The following AMOTL1 variants were observed in gnomAD, a reference collection of about 807,000 sequenced individuals.
AMOTL1 encodes angiomotin like 1, also known as angiomotin-like protein 1.
A neutral mutation model predicts 102.9 loss-of-function variants in AMOTL1; 45 were observed. The ratio of observed to expected loss-of-function variants is 0.44; its 90% CI spans 0.34 to 0.56. AMOTL1 has a LOEUF of 0.56. AMOTL1 is among the 20% of genes least tolerant of loss of function. The pLI is 0.01. For missense variants in AMOTL1, 1,114 were observed against 1,225.6 expected (o/e 0.91, Z 1.36); for synonymous variants, 481 against 484.7 (o/e 0.99, Z 0.10).
chr11:94,777,096 A>G (rs1951036196), intron 1 of AMOTL1, among the ~76,000 whole-genome samples: 1 of 152,248 alleles, frequency 6.6e-6, no homozygotes, highest in Non-Finnish European at 1.5e-5. Context: ...TTTTTATCTA[A>G]AAGAGCAAAG....
At chr11:94,852,111 ACACAAAATATTTTGT>A (rs1301874840) in intron 7 of AMOTL1, among the ~76,000 whole-genome samples, 1 of 152,232 alleles carries the variant, frequency 6.6e-6, no homozygotes, top group Admixed American at 6.5e-5. Flanking sequence ...TGAATCACAC[ACACAAAATATTTTGT>A]CAGATGAGGC....
rs1486932137 is a variant in AMOTL1 at position 94,865,952 on chromosome 11, C to A, written c.2272C>A (p.Leu758Ile). Residue 758 changes from leucine to isoleucine, a missense_variant, in exon 11 of 13, where the codon CTC becomes ATC. By Grantham distance (5) the Leu-to-Ile change is conservative (BLOSUM62 2). Transcript: ENST00000433060. ...CQDMEYTIKN[L>I]HAKIIEKDAM... ...TGTTTTGTTTTACAGTATTAAAAAT[C>A]TCCATGCCAAAATCATAGAGAAAGA... The A allele has an allele frequency of 1.9e-6, 3 of 1,613,220 alleles. No homozygotes were observed. Among genetic ancestry groups the A allele is most frequent in the East Asian group, 2.2e-5 (1 of 44,890 alleles).
At chr11:94,800,368 T>C (rs946723613) in intron 3 of AMOTL1, 57 bp downstream of exon 3, 5 of 1,480,010 alleles carry the variant, frequency 3.4e-6, no homozygotes, top group African/African-American at 2.8e-5. Flanking sequence ...AGTCATGTTA[T>C]TAGCATTTAT....
At chr11:94,778,741 T>A (rs931566241) in intron 1 of AMOTL1, among the ~76,000 whole-genome samples, 1 of 152,140 alleles carries the variant, frequency 6.6e-6, no homozygotes, top group African/African-American at 2.4e-5. Context: ...TCCTGGGACT[T>A]CTGGGGCAAG....
At chr11:94,745,384 C>G (rs1395174879) in intron 3 of AMOTL1, among the ~76,000 whole-genome samples, 1 of 151,900 alleles carries the variant, frequency 6.6e-6, no homozygotes, top group Non-Finnish European at 1.5e-5. Context: ...TAAGGACTTT[C>G]AGCCACCAGT....
At chr11:94,726,835 G>T (rs1358465137) in intron 1 of AMOTL1, among the ~76,000 whole-genome samples, 2 of 152,160 alleles carry the variant, frequency 1.3e-5, no homozygotes, top group African/African-American at 2.4e-5. Context: ...TCAGTAACAG[G>T]TGTGATGGAT....
chr11:94,708,899 A>C (rs146138762), intron 1 of AMOTL1, among the ~76,000 whole-genome samples: 5 of 152,166 alleles, frequency 3.3e-5, no homozygotes. Context: ...GCCTGAGTAA[A>C]CAGGTCTGCA....
chr11:94,826,982 A>G (rs936270538), intron 4 of AMOTL1, among the ~76,000 whole-genome samples: 1 of 152,212 alleles, frequency 6.6e-6, no homozygotes, highest in Non-Finnish European at 1.5e-5. Context: ...GGGATCCTGA[A>G]GTTTCCTTTG....
At chr11:94,771,124 A>G (rs904983737) in intron 1 of AMOTL1, among the ~76,000 whole-genome samples, 2 of 152,204 alleles carry the variant, frequency 1.3e-5, no homozygotes, top group African/African-American at 4.8e-5. Flanking sequence ...GGGAATTGCT[A>G]GTGAAAATTG....
intron 1 of AMOTL1, among the ~76,000 whole-genome samples, chr11:94,771,125 G>GTT (rs1950942536): frequency 6.6e-6 from 1 of 152,064 alleles, no homozygotes; most frequent in Admixed American, 6.5e-5. Context: ...GGAATTGCTA[G>GTT]TGAAAATTGT....
At chr11:94,810,058 T>C (rs1395266818) in intron 3 of AMOTL1, among the ~76,000 whole-genome samples, 1 of 152,212 alleles carries the variant, frequency 6.6e-6, no homozygotes, top group Non-Finnish European at 1.5e-5. Context: ...CCTGTTTTAT[T>C]ACTCCAGGCA....
chr11:94,714,168 C>G (rs891592380), intron 1 of AMOTL1, among the ~76,000 whole-genome samples: 1 of 151,852 alleles, frequency 6.6e-6, no homozygotes, highest in Admixed American at 6.6e-5. Flanking sequence ...ATTAGTCTGT[C>G]GATATGGTGA....
intron 4 of AMOTL1, among the ~76,000 whole-genome samples, chr11:94,829,670 CT>C (rs1952036059): frequency 6.6e-6 from 1 of 151,026 alleles, no homozygotes; most frequent in African/African-American, 2.4e-5. Flanking sequence ...ATAGTCGTTT[CT>C]TTTTTTGTAC....
At chr11:94,745,555 G>A (rs1169167715) in intron 3 of AMOTL1, among the ~76,000 whole-genome samples, 4 of 152,120 alleles carry the variant, frequency 2.6e-5, no homozygotes, top group African/African-American at 7.2e-5. Flanking sequence ...TTTTTATTAT[G>A]TTGTGTCATC....
chr11:94,731,986 C>G (rs778892007), intron 2 of AMOTL1, among the ~76,000 whole-genome samples: 6 of 152,234 alleles, frequency 3.9e-5, no homozygotes, highest in Non-Finnish European at 5.9e-5. Context: ...TCCAAGCTCA[C>G]AGCAGGGCTC....
upstream of AMOTL1, among the ~76,000 whole-genome samples, chr11:94,763,989 T>C (rs377550142): frequency 1.3e-5 from 2 of 152,230 alleles, no homozygotes; most frequent in African/African-American, 4.8e-5. Flanking sequence ...GACCATTTGA[T>C]GTTTATAAAA....
intron 2 of AMOTL1, 121 bp downstream of exon 2, chr11:94,795,281 G>T: frequency 7.8e-7 from 1 of 1,283,236 alleles, no homozygotes; most frequent in South Asian, 1.5e-5. Flanking sequence ...TCATCATATT[G>T]GATTATTGAT....
At chr11:94,849,090 T>C (rs969136843) in intron 6 of AMOTL1, among the ~76,000 whole-genome samples, 1 of 152,194 alleles carries the variant, frequency 6.6e-6, no homozygotes, top group Non-Finnish European at 1.5e-5. Flanking sequence ...ACTATTGTCA[T>C]TCTATGCCTC....
intron 9 of AMOTL1, among the ~76,000 whole-genome samples, chr11:94,859,985 C>T (rs561398047): frequency 6.6e-6 from 1 of 152,206 alleles, no homozygotes; most frequent in East Asian, 1.9e-4. Context: ...AGGTGAATAT[C>T]TAAAGAGTTA....
Sources: allele counts gnomAD v4.1 joint callset (sites outside exome capture counted in the v4.1 genomes callset), GRCh38; gene constraint gnomAD v4.1.1; transcripts MANE v1.5; gene names NCBI Gene and HGNC (gene_info 2026-07-23, HGNC 2026-07-21).